SLC6A15: variants seen among roughly 807,000 people sequenced by gnomAD.
SLC6A15 encodes sodium-dependent neutral amino acid transporter B(0)AT2.
A neutral mutation model predicts 68.5 loss-of-function variants in SLC6A15; 33 were observed. That is an observed-to-expected ratio of 0.48 (90% CI 0.37 to 0.64). The LOEUF (loss-of-function observed/expected upper bound fraction) is 0.64, where lower values mean the gene tolerates loss of function less well. Ranked by LOEUF, SLC6A15 falls within the 30% of genes least tolerant of loss-of-function variation. The pLI is 0.00. For missense variants in SLC6A15, 747 were observed against 874.3 expected (o/e 0.85, Z 1.84); for synonymous variants, 347 against 301.0 (o/e 1.15, Z -1.58).
chr12:84,885,283 A>G, intron 4 of SLC6A15, 152 bp downstream of exon 4: 1 of 666,280 alleles, frequency 1.5e-6, no homozygotes, highest in Non-Finnish European at 2.3e-6. Context: ...CTCTAAGAGT[A>G]TGTCAATCCT....
chr12:84,894,275 T>C (rs1449783542), intron 1 of SLC6A15, among the ~76,000 whole-genome samples: 3 of 152,184 alleles, frequency 2.0e-5, no homozygotes, highest in Non-Finnish European at 4.4e-5. Context: ...AAAAAAGATT[T>C]ACATTTATTA....
chr12:84,864,078 T>C (rs934569518), intron 10 of SLC6A15, among the ~76,000 whole-genome samples: 1 of 150,976 alleles, frequency 6.6e-6, no homozygotes, highest in Non-Finnish European at 1.5e-5. Flanking sequence ...TAGTAAATAA[T>C]TTTACTAATT....
chr12:84,891,840 T>A lies in SLC6A15; in HGVS notation c.281A>T (p.Asn94Ile). The A allele has an allele frequency of 6.2e-7, 1 of 1,611,272 alleles. No homozygotes were observed. The highest frequency in any genetic ancestry group is 8.5e-7 in the Non-Finnish European group (1 of 1,178,208). ...TTAAAAAGATTACTTACCGCCCCCA[T>A]TCTTCTGACATAGGTATGGAAATCG... ...VWRFPYLCQK[N>I]GGGAYLLPYL... The change falls in exon 2 of 12, where the codon AAT (asparagine) becomes ATT (isoleucine). Residue 94 changes from asparagine to isoleucine, a missense_variant. Physicochemically the swap from Asn to Ile is moderately radical, Grantham distance 149. Coordinates refer to ENST00000266682, the MANE Select transcript of SLC6A15 (RefSeq NM_182767.6).
intron 5 of SLC6A15, chr12:84,883,484 G>T: frequency 8.3e-7 from 1 of 1,211,686 alleles, no homozygotes; most frequent in Non-Finnish European, 1.0e-6. Flanking sequence ...CAAACAAAAT[G>T]AATGAATTAC....
At chr12:84,883,420 T>C (rs986475851) in intron 5 of SLC6A15, 3 of 1,059,024 alleles carry the variant, frequency 2.8e-6, no homozygotes, top group African/African-American at 1.7e-5. Flanking sequence ...TCAAAATGTC[T>C]TATGCAGCTA....
At chr12:84,882,187 G>A in intron 5 of SLC6A15, 1 of 985,260 alleles carries the variant, frequency 1.0e-6, no homozygotes, top group Non-Finnish European at 1.2e-6. Flanking sequence ...GAGCTTCTCT[G>A]GATGACCACA....
intron 5 of SLC6A15, 70 bp downstream of exon 5, chr12:84,883,789 C>A: frequency 6.2e-7 from 1 of 1,613,664 alleles, no homozygotes; most frequent in South Asian, 1.1e-5. Context: ...AAATCTGTAA[C>A]AGAATTTGAG....
chr12:84,902,229 T>G (rs945043240), intron 1 of SLC6A15, among the ~76,000 whole-genome samples: 1 of 152,042 alleles, frequency 6.6e-6, no homozygotes, highest in Non-Finnish European at 1.5e-5. Flanking sequence ...AAGGGAACTT[T>G]TTTTACAAAT....
rs751054637 is a variant in SLC6A15 at position 84,885,933 on chromosome 12, C to G, written c.425G>C (p.Gly142Ala). The G allele has an allele frequency of 3.1e-6, 5 of 1,609,484 alleles. No individual in the cohort carries two copies. Residue 142 changes from glycine to alanine, a missense_variant, in exon 3 of 12, where the codon GGG becomes GCG. Coordinates refer to ENST00000266682, the MANE Select transcript of SLC6A15 (RefSeq NM_182767.6). ...TACTACACAACTTGCAAATCCAATCCCGCCCAGTTTAGGGCTTATGTAATT... is the reference window on the plus strand; with the variant it reads ...TACTACACAACTTGCAAATCCAATCGCGCCCAGTTTAGGGCTTATGTAATT... ...VWNYISPKLG[G>A]IGFASCVVCY...
chr12:84,872,714 G>T lies in SLC6A15; in HGVS notation c.1190C>A (p.Thr397Asn), dbSNP rs148988382. ...DIIPHHINLS[T>N]VTAEDYHLVY... ...TAAATGATAATCTTCTGCAGTAACA[G>T]TTGAAAGGTTGATATGATGGGGAAT... The change falls in exon 8 of 12, where the codon ACT (threonine) becomes AAT (asparagine). Residue 397 changes from threonine (T) to asparagine (N), a missense_variant. Physicochemically the swap from Thr to Asn is moderately conservative, Grantham distance 65. Transcript: ENST00000266682. 2.9e-5 allele frequency: 47 copies of T among 1,612,906 alleles called. No homozygotes were observed. In the African/African-American group the frequency reaches 5.9e-4, roughly 20 times the overall value.
chr12:84,875,597 T>C (rs1474179218), intron 6 of SLC6A15, among the ~76,000 whole-genome samples: 1 of 144,770 alleles, frequency 6.9e-6, no homozygotes, highest in Non-Finnish European at 1.5e-5. Flanking sequence ...TTAGACAGTT[T>C]CATCTTAATG....
intron 4 of SLC6A15, among the ~76,000 whole-genome samples, chr12:84,884,973 C>T (rs905321476): frequency 1.3e-5 from 2 of 151,638 alleles, no homozygotes; most frequent in Non-Finnish European, 2.9e-5. Flanking sequence ...TACTAGACAT[C>T]ACTACTATAG....
intron 5 of SLC6A15, chr12:84,881,661 T>G: frequency 3.1e-6 from 3 of 978,648 alleles, no homozygotes; most frequent in Non-Finnish European, 3.6e-6. Flanking sequence ...GCTGACTCAT[T>G]CTTCTTTTAG....
At chr12:84,882,922 A>G (rs989038100) in intron 5 of SLC6A15, 2 of 714,610 alleles carry the variant, frequency 2.8e-6, no homozygotes, top group Admixed American at 6.3e-5. Context: ...ATTTATTATT[A>G]TTGTTATTAT....
At chr12:84,910,928 CGT>C (rs34335324) in intron 1 of SLC6A15, among the ~76,000 whole-genome samples, 36,173 of 143,138 alleles carry the variant, frequency 0.25, 5,127 homozygotes, top group African/African-American at 0.39. Flanking sequence ...GCCCTCTTTC[CGT>C]GTGTGTGTGT....
At position 84,860,705 on chromosome 12, in the gene SLC6A15, C is replaced by T. The variant is rs1412918160; in HGVS notation, c.*927G>A. 1.3e-5 allele frequency: 2 copies of T among 152,032 alleles called. No homozygotes were observed. The highest frequency in any genetic ancestry group is 2.9e-5 in the Non-Finnish European group (2 of 67,968). The allele number at this position is 152,032 out of a possible 1,614,324, so 9.4% of individuals were successfully genotyped here. ...AAAATGTAATGCATTACAATTTTAA[C>T]AATCACTTAAAAATGATTTATATTT... On this transcript the variant is annotated 3_prime_UTR_variant, in exon 12 of 12. Coordinates refer to ENST00000266682, the MANE Select transcript of SLC6A15 (RefSeq NM_182767.6).
chr12:84,895,339 A>ATTTTTTTTTTTTTTTTTTT lies in SLC6A15; in HGVS notation c.-188-3050_-188-3032dup, dbSNP rs67339994. Among the ~76,000 whole-genome samples, 17 of 54,784 alleles carry ATTTTTTTTTTTTTTTTTTT rather than the reference A, an allele frequency of 3.1e-4. 6 individuals are homozygous for ATTTTTTTTTTTTTTTTTTT. The highest frequency in any genetic ancestry group is 9.4e-4 in the African/African-American group (14 of 14,842). The allele number at this position is 54,784 out of a possible 152,430, so 35.9% of individuals were successfully genotyped here. ...CTTAGATGTTTTCATTTTTGTTTGT[A>ATTTTTTTTTTTTTTTTTTT]TTTTTTTTTTTTTTTTTTTTTTTTT... On this transcript the variant is annotated intron_variant, in intron 1 of 11. Coordinates refer to ENST00000266682, the MANE Select transcript of SLC6A15 (RefSeq NM_182767.6).
At chr12:84,907,209 G>A (rs1228491688) in intron 1 of SLC6A15, among the ~76,000 whole-genome samples, 15 of 152,088 alleles carry the variant, frequency 9.9e-5, no homozygotes, top group Middle Eastern at 3.4e-3. Flanking sequence ...TTAGCCGGGC[G>A]TGGTGGCGGG....
At chr12:84,896,918 T>G (rs537947615) in intron 1 of SLC6A15, among the ~76,000 whole-genome samples, 2 of 152,250 alleles carry the variant, frequency 1.3e-5, no homozygotes, top group East Asian at 3.9e-4. Flanking sequence ...AGGCCAGGTG[T>G]GGTGGCTCAC....
Sources: allele counts gnomAD v4.1 joint callset (sites outside exome capture counted in the v4.1 genomes callset), GRCh38; gene constraint gnomAD v4.1.1; transcripts MANE v1.5; gene names NCBI Gene and HGNC (gene_info 2026-07-23, HGNC 2026-07-21).